Variants in RING1 observed in about 807,000 individuals in gnomAD.
RING1 encodes ring finger protein 1, also known as E3 ubiquitin-protein ligase RING1.
In RING1, 8 loss-of-function variants were observed where a neutral mutation model predicts 35.0. The ratio of observed to expected loss-of-function variants is 0.23; its 90% CI spans 0.13 to 0.41. RING1 has a LOEUF of 0.41. Among genes scored for constraint, RING1 ranks in the 10% least tolerant of loss-of-function variants. RING1 has a pLI of 1.00. For synonymous variants in RING1, 214 were observed against 224.3 expected (o/e 0.95, Z 0.41); for missense variants, 343 against 546.8 (o/e 0.63, Z 3.72).
At position 33,212,449 on chromosome 6, in the gene RING1, C is replaced by T. The variant is rs774990832; in HGVS notation, c.*50C>T. 4.1e-6 allele frequency: 5 copies of T among 1,227,064 alleles called. No homozygotes were observed. The South Asian group carries it at 6.5e-5, about 16-fold the overall frequency. 76.0% of individuals were successfully genotyped at this position (1,227,064 alleles called of 1,614,324 possible). A position where few individuals can be genotyped will look rare whatever the true frequency, so the allele number is the denominator to read the frequency against. ...AGGGGACCATGGGGTATCCCTGTGTCCTGGTCTATCACCCCAGCTTCTTTG... is the reference window on the plus strand; with the variant it reads ...AGGGGACCATGGGGTATCCCTGTGTTCTGGTCTATCACCCCAGCTTCTTTG... On this transcript the variant is annotated 3_prime_UTR_variant, in exon 7 of 7. Coordinates refer to ENST00000374656, the MANE Select transcript of RING1 (RefSeq NM_002931.4).
In RING1 at chr6:33,208,933, C is replaced by G. The variant is rs187013758; in HGVS notation, c.78+33C>G. On this transcript the variant is annotated intron_variant, in intron 2 of 6. Transcript: ENST00000374656. The surrounding 1 kb of genome is among the most constrained non-coding windows in gnomAD (Gnocchi z 6.2). ...GCATTCTCCCTTTCAGGCTTACCCC[C>G]TCCCCCAAACCCTTATATCCACAGA... The G allele has an allele frequency of 6.4e-6, 10 of 1,553,140 alleles. No individual in the cohort carries two copies. In the East Asian group the frequency reaches 2.1e-4, roughly 32 times the overall value.
chr6:33,209,553 T>C lies in RING1; in HGVS notation c.79-73T>C. 4.1e-6 allele frequency: 6 copies of C among 1,463,300 alleles called. No individual in the cohort carries two copies. Among genetic ancestry groups the C allele is most frequent in the Non-Finnish European group, 5.6e-6 (6 of 1,069,710 alleles). The allele number at this position is 1,463,300 out of a possible 1,614,324, so 90.6% of individuals were successfully genotyped here. On this transcript the variant is annotated intron_variant, in intron 2 of 6. Transcript: ENST00000374656. The surrounding 1 kb of genome is among the most constrained non-coding windows in gnomAD (Gnocchi z 5.1). ...CTCACTGTATTTCTCAAAATTCTTA[T>C]TTTATGGGCTGCTGTTTCTAAAACC...
rs1775307118 is a variant in RING1, at chr6:33,208,665, G to A, written c.-59+21G>A. The A allele has an allele frequency of 8.2e-6, 5 of 608,328 alleles. No homozygotes were observed. Among genetic ancestry groups the A allele is most frequent in the Admixed American group, 3.4e-5 (1 of 29,212 alleles). 37.7% of individuals were successfully genotyped at this position (608,328 alleles called of 1,614,324 possible). A position where few individuals can be genotyped will look rare whatever the true frequency, so the allele number is the denominator to read the frequency against. On this transcript the variant is annotated intron_variant, in intron 1 of 6. Transcript: ENST00000374656. This position sits in a 1 kb window ranked among gnomAD's most constrained non-coding sequence, Gnocchi z 6.2. ...GCTGGGTGAGGGGCAGTGCCGGCGC[G>A]GGGGCGGGAGCGGGGGCGGAGAGGG...
chr6:33,211,078 TTA>T lies in RING1; in HGVS notation c.456-78_456-77del. ...TTAGGTATCGTCATTAGGATTTTTC[TTA>T]TCTCTTAATTCTCTGAAGTTTAAAG... is the stretch of plus-strand genomic sequence containing the variant. On this transcript the variant is annotated intron_variant, in intron 4 of 6. Coordinates refer to ENST00000374656, the MANE Select transcript of RING1 (RefSeq NM_002931.4). The surrounding 1 kb of genome is among the most constrained non-coding windows in gnomAD (Gnocchi z 6.3). 6.9e-7 allele frequency: 1 copy of T among 1,449,042 alleles called. No individual in the cohort carries two copies. 89.8% of individuals were successfully genotyped at this position (1,449,042 alleles called of 1,614,324 possible). A position where few individuals can be genotyped will look rare whatever the true frequency, so the allele number is the denominator to read the frequency against.
rs1172341213 is a variant in RING1, at chr6:33,212,580, G to A, written c.*181G>A. The A allele has an allele frequency of 6.0e-6, 3 of 503,040 alleles. No homozygotes were observed. The highest frequency in any genetic ancestry group is 1.9e-5 in the African/African-American group (1 of 51,648). 31.2% of individuals were successfully genotyped at this position (503,040 alleles called of 1,614,324 possible). Reference sequence around the variant, plus strand: ...AGATTCTTCTATATTGTACAGAGTGGGGCAAAACACGCCCCCATCTGCTGC... The same window carrying A: ...AGATTCTTCTATATTGTACAGAGTGAGGCAAAACACGCCCCCATCTGCTGC... On this transcript the variant is annotated 3_prime_UTR_variant, in exon 7 of 7. Coordinates refer to ENST00000374656, the MANE Select transcript of RING1 (RefSeq NM_002931.4).
Position 33,208,926 on chromosome 6 carries a change from T to C in RING1, c.78+26T>C, listed in dbSNP as rs776828498. ...GTGACAGGCATTCTCCCTTTCAGGC[T>C]TACCCCCTCCCCCAAACCCTTATAT... is the stretch of plus-strand genomic sequence containing the variant. On this transcript the variant is annotated intron_variant, in intron 2 of 6. Transcript: ENST00000374656. The surrounding 1 kb of genome is among the most constrained non-coding windows in gnomAD (Gnocchi z 6.2). 2 of 1,582,192 alleles carry C rather than the reference T, an allele frequency of 1.3e-6. No individual in the cohort carries two copies. The highest frequency in any genetic ancestry group is 1.3e-5 in the African/African-American group (1 of 74,314).
intron 6 of RING1, 146 bp downstream of exon 6, chr6:33,212,148 C>A: frequency 1.2e-6 from 1 of 858,126 alleles, no homozygotes; most frequent in Non-Finnish European, 1.8e-6. Flanking sequence ...CCTTTCCCAT[C>A]ATCCATGTCC....
intron 4 of RING1, among the ~76,000 whole-genome samples, chr6:33,210,867 C>T (rs1032151429): frequency 3.9e-5 from 6 of 152,096 alleles, no homozygotes; most frequent in Non-Finnish European, 7.4e-5. Context: ...ATGCTGCTAC[C>T]GCACTTTGAG....
In RING1 at chr6:33,208,830, C is replaced by T. The variant is rs774249639; in HGVS notation, c.8C>T (p.Thr3Met). ...GGTCTGCGCCCGGTCACCATGACGA[C>T]GCCGGCGAATGCCCAGAATGCCAGC... MT[T>M]PANAQNASKT... The change falls in exon 2 of 7, where the codon ACG becomes ATG. Residue 3 changes from threonine (T) to methionine (M), a missense_variant. Transcript: ENST00000374656. The surrounding 1 kb of genome is among the most constrained non-coding windows in gnomAD (Gnocchi z 6.2). 6 of 1,604,772 alleles carry T rather than the reference C, an allele frequency of 3.7e-6. No individual in the cohort carries two copies. The highest frequency in any genetic ancestry group is 5.1e-6 in the Non-Finnish European group (6 of 1,173,806).
At position 33,211,352 on chromosome 6, in the gene RING1, G is replaced by C. The variant is rs1255724357; in HGVS notation, c.650G>C (p.Gly217Ala). 3 of 1,587,348 alleles carry C rather than the reference G, an allele frequency of 1.9e-6. No individual in the cohort carries two copies. The South Asian group carries it at 3.4e-5, about 18-fold the overall frequency. ...GGGGGGAGCAGTGTAGGGACAGGGG[G>C]AGGCGGCACTGGTGGGGTGGGTGGG... The part of the protein sequence containing the change: ...GAGGSSVGTG[G>A]GGTGGVGGGA... The change falls in exon 5 of 7, where the codon GGA becomes GCA. Residue 217 changes from glycine (G) to alanine (A), a missense_variant. Physicochemically the swap from Gly to Ala is moderately conservative, Grantham distance 60. Around this residue, in one of 2 missense-constraint regions of RING1, gnomAD observed 278 missense variants for 383.5 expected, o/e 0.72. Transcript: ENST00000374656. This position sits in a 1 kb window ranked among gnomAD's most constrained non-coding sequence, Gnocchi z 6.3.
At position 33,211,383 on chromosome 6, in the gene RING1, C is replaced by A. The variant is rs559658765; in HGVS notation, c.681C>A (p.Ala227=). The change falls in exon 5 of 7, where the codon GCC becomes GCA. Residue 227 remains alanine, a synonymous_variant. Transcript: ENST00000374656. This position sits in a 1 kb window ranked among gnomAD's most constrained non-coding sequence, Gnocchi z 6.3. ...GCACTGGTGGGGTGGGTGGGGGTGCCGGTTCGGAAGACTCTGGTGACCGGG... is the reference window on the plus strand; with the variant it reads ...GCACTGGTGGGGTGGGTGGGGGTGCAGGTTCGGAAGACTCTGGTGACCGGG... ...GGGTGGVGGG[A]GSEDSGDRGG... is the part of the protein sequence containing the mutation. 101 of 1,503,278 alleles carry A rather than the reference C, an allele frequency of 6.7e-5. No individual in the cohort carries two copies. The African/African-American group carries it at 6.9e-4, about 10-fold the overall frequency. The allele number at this position is 1,503,278 out of a possible 1,614,324, so 93.1% of individuals were successfully genotyped here.
chr6:33,210,746 G>A (rs1200033399), intron 4 of RING1, among the ~76,000 whole-genome samples: 1 of 152,194 alleles, frequency 6.6e-6, no homozygotes, highest in Non-Finnish European at 1.5e-5. Flanking sequence ...GCATCTCTCA[G>A]TCTTTCATGT....
chr6:33,210,084 T>C lies in RING1; in HGVS notation c.409T>C (p.Leu137=), dbSNP rs763568949. The C allele has an allele frequency of 3.7e-6, 6 of 1,614,056 alleles. No individual in the cohort carries two copies. Among genetic ancestry groups the C allele is most frequent in the East Asian group, 2.2e-5 (1 of 44,902 alleles). ...RLSRLHNQQA[L]SSSIEEGLRM... is the part of the protein sequence containing the mutation. ...GAGCCGCCTGCACAACCAGCAGGCA[T>C]TGAGCTCCAGCATTGAGGAGGGGCT... The change falls in exon 4 of 7, where the codon TTG becomes CTG. Residue 137 remains leucine (L), a synonymous_variant. Coordinates refer to ENST00000374656, the MANE Select transcript of RING1 (RefSeq NM_002931.4).
At position 33,208,814 on chromosome 6, in the gene RING1, C is replaced by T. The variant is rs1431421657; in HGVS notation, c.-9C>T. On this transcript the variant is annotated 5_prime_UTR_variant, in exon 2 of 7. Transcript: ENST00000374656. The surrounding 1 kb of genome is among the most constrained non-coding windows in gnomAD (Gnocchi z 6.2). ...TGGAGCCCTGGTGGGGGGTCTGCGC[C>T]CGGTCACCATGACGACGCCGGCGAA... 6.3e-7 allele frequency: 1 copy of T among 1,599,612 alleles called. No individual in the cohort carries two copies. Among genetic ancestry groups the T allele is most frequent in the Non-Finnish European group, 8.5e-7 (1 of 1,170,876 alleles).
rs1238459831 is a variant in RING1, at chr6:33,209,223, G to GC, written c.78+329dup. On this transcript the variant is annotated intron_variant, in intron 2 of 6. Transcript: ENST00000374656. The surrounding 1 kb of genome is among the most constrained non-coding windows in gnomAD (Gnocchi z 5.1). Reference sequence around the variant, plus strand: ...GAGTTTATTAAAAGCAGAGCTTCATGCCCCCCAACATTCTGATTCAGTAGT... The same window carrying GC: ...GAGTTTATTAAAAGCAGAGCTTCATGCCCCCCCAACATTCTGATTCAGTAGT... 1 of 597,400 alleles carries GC rather than the reference G, an allele frequency of 1.7e-6. No individual in the cohort carries two copies. Among genetic ancestry groups the GC allele is most frequent in the Non-Finnish European group, 3.0e-6 (1 of 328,490 alleles). The allele number at this position is 597,400 out of a possible 1,614,324, so 37.0% of individuals were successfully genotyped here.
In RING1 at chr6:33,209,556, T is replaced by C; in HGVS notation, c.79-70T>C. The C allele has an allele frequency of 6.8e-7, 1 of 1,474,880 alleles. No homozygotes were observed. Among genetic ancestry groups the C allele is most frequent in the Non-Finnish European group, 9.3e-7 (1 of 1,077,474 alleles). 91.4% of individuals were successfully genotyped at this position (1,474,880 alleles called of 1,614,324 possible). ...ACTGTATTTCTCAAAATTCTTATTT[T>C]ATGGGCTGCTGTTTCTAAAACCCCT... On this transcript the variant is annotated intron_variant, in intron 2 of 6. Transcript: ENST00000374656. This position sits in a 1 kb window ranked among gnomAD's most constrained non-coding sequence, Gnocchi z 5.1.
intron 6 of RING1, 61 bp downstream of exon 6, chr6:33,212,063 A>G (rs1775581284): frequency 1.5e-6 from 2 of 1,336,648 alleles, no homozygotes; most frequent in East Asian, 2.5e-5. Flanking sequence ...TCTGGGCCAC[A>G]TAGAACCATG....
intron 4 of RING1, 121 bp downstream of exon 4, chr6:33,210,251 G>A: frequency 4.7e-6 from 4 of 845,322 alleles, no homozygotes; most frequent in Non-Finnish European, 7.5e-6. Flanking sequence ...ATTAGGGCTG[G>A]AAATCATGGG....
chr6:33,208,750 T>C lies in RING1; in HGVS notation c.-58-15T>C. 1 of 1,283,510 alleles carries C rather than the reference T, an allele frequency of 7.8e-7. No homozygotes were observed. The allele number at this position is 1,283,510 out of a possible 1,614,324, so 79.5% of individuals were successfully genotyped here. A position where few individuals can be genotyped will look rare whatever the true frequency, so the allele number is the denominator to read the frequency against. ...GGCCCCCCTGACGCCCTCCTCCCCT[T>C]CCCCCCACCCCCAGCCTTCTTCGCC... On this transcript the variant is annotated splice_polypyrimidine_tract_variant and intron_variant, in intron 1 of 6. Transcript: ENST00000374656. This position sits in a 1 kb window ranked among gnomAD's most constrained non-coding sequence, Gnocchi z 6.2.
Sources: gnomAD v4.1 joint callset for allele counts (sites outside exome capture counted in the v4.1 genomes callset) on GRCh38, gnomAD v4.1.1 for gene constraint, gnomAD v4.1.1 regional missense constraint, Gnocchi (gnomAD v3.1) non-coding constraint, MANE v1.5 for transcripts, NCBI Gene and HGNC (gene_info 2026-07-23, HGNC 2026-07-21) for gene names.